Variants in STS observed in about 807,000 individuals in gnomAD.
STS encodes the protein steroid sulfatase.
Under a neutral mutation model 26.8 loss-of-function variants are expected in STS, and 7 were observed. The ratio of observed to expected loss-of-function variants is 0.26; its 90% CI spans 0.15 to 0.49. The LOEUF (loss-of-function observed/expected upper bound fraction) is 0.49, where lower values mean the gene tolerates loss of function less well. STS is among the 20% of genes least tolerant of loss of function. STS has a pLI of 0.98. For missense variants in STS, 434 were observed against 465.6 expected (o/e 0.93, Z 0.63); for synonymous variants, 199 against 189.4 (o/e 1.05, Z -0.42).
intron 8 of STS, among the ~76,000 whole-genome samples, chrX:7,310,184 G>A (rs1346156072): frequency 8.9e-6 from 1 of 112,149 alleles, no homozygotes; most frequent in Non-Finnish European, 1.9e-5. Flanking sequence ...AGATAAATAA[G>A]TAAACCACTG....
At chrX:7,289,024 A>C (rs966105470) in intron 7 of STS, among the ~76,000 whole-genome samples, 1 of 111,177 alleles carries the variant, frequency 9.0e-6, no homozygotes, top group African/African-American at 3.3e-5. Context: ...ATTGGGAGTG[A>C]AGCCAAGCTC....
chrX:7,277,041 T>C (rs1161954328), intron 7 of STS, among the ~76,000 whole-genome samples: 2 of 111,495 alleles, frequency 1.8e-5, no homozygotes, highest in Non-Finnish European at 3.8e-5. Flanking sequence ...AATCTCATGC[T>C]GAATGAGGTA....
intron 9 of STS, among the ~76,000 whole-genome samples, chrX:7,326,860 C>T (rs1402525123): frequency 1.8e-5 from 2 of 111,711 alleles, no homozygotes; most frequent in Admixed American, 9.5e-5. Context: ...CCGCTGTATT[C>T]GACCTTGTTT....
chrX:7,244,754 C>A, intron 2 of STS, among the ~76,000 whole-genome samples: 1 of 110,997 alleles, frequency 9.0e-6, no homozygotes, highest in Non-Finnish European at 1.9e-5. Flanking sequence ...CAGCCCCCTC[C>A]CCACCAATAA....
At chrX:7,274,655 T>C (rs188416062) in intron 6 of STS, among the ~76,000 whole-genome samples, 2 of 112,110 alleles carry the variant, frequency 1.8e-5, no homozygotes, top group Admixed American at 1.9e-4. Context: ...AGGCCACGCA[T>C]TGACAGTGAC....
Position 7,349,987 on chromosome X carries a change from A to C in STS, c.1463A>C (p.Tyr488Ser), listed in dbSNP as rs758446737. 1 of 1,209,961 alleles carries C rather than the reference A, an allele frequency of 8.3e-7. No individual in the cohort carries two copies. The highest frequency in any genetic ancestry group is 1.8e-5 in the South Asian group (1 of 56,783). Residue 488 changes from tyrosine (Y) to serine (S), a missense_variant, in exon 11 of 11, where the codon TAT (tyrosine) becomes TCT (serine). Physicochemically the swap from Tyr to Ser is moderately radical, Grantham distance 144 (BLOSUM62 -2). Coordinates refer to ENST00000674429, the MANE Select transcript of STS (RefSeq NM_001320752.2). ...ATHVCFCFGS[Y>S]VTHHDPPLLF... ...CACGTGTGCTTCTGTTTCGGGAGTT[A>C]TGTCACCCATCACGACCCACCTTTA... is the stretch of plus-strand genomic sequence containing the variant.
chrX:7,288,549 G>A (rs1409365401), intron 7 of STS, among the ~76,000 whole-genome samples: 1 of 110,261 alleles, frequency 9.1e-6, no homozygotes, highest in Non-Finnish European at 1.9e-5. Flanking sequence ...CAACCTATAT[G>A]TATACACCCT....
At chrX:7,291,814 T>C (rs1239180012) in intron 7 of STS, among the ~76,000 whole-genome samples, 1 of 111,651 alleles carries the variant, frequency 9.0e-6, no homozygotes, top group Non-Finnish European at 1.9e-5. Context: ...GGTAAGACAA[T>C]AGCCAGAACA....
intron 6 of STS, among the ~76,000 whole-genome samples, chrX:7,273,697 A>C (rs1420026854): frequency 9.0e-6 from 1 of 111,326 alleles, no homozygotes; most frequent in African/African-American, 3.3e-5. Flanking sequence ...AAAAATAGTC[A>C]ATTTCCCCTT....
chrX:7,194,096 G>T (rs1171546937), intron 2 of STS, among the ~76,000 whole-genome samples: 3 of 110,560 alleles, frequency 2.7e-5, no homozygotes, highest in African/African-American at 9.9e-5. Flanking sequence ...GTGGAGATGG[G>T]GTTTCACCAT....
At chrX:7,267,060 T>C (rs1924040605) in intron 6 of STS, among the ~76,000 whole-genome samples, 1 of 112,182 alleles carries the variant, frequency 8.9e-6, no homozygotes, top group Non-Finnish European at 1.9e-5. Flanking sequence ...AGAGGCTGAA[T>C]TTAAACAGAA....
intron 1 of STS, among the ~76,000 whole-genome samples, chrX:7,184,550 G>A (rs1330521293): frequency 1.8e-5 from 2 of 111,752 alleles, no homozygotes; most frequent in Non-Finnish European, 3.8e-5. Context: ...TTTGACATCC[G>A]CTTTGATTAA....
At chrX:7,305,240 T>G (rs1409658776) in intron 8 of STS, 57 bp downstream of exon 8, 2 of 1,187,399 alleles carry the variant, frequency 1.7e-6, no homozygotes, top group African/African-American at 3.5e-5. Flanking sequence ...CTGGTCACTT[T>G]TTTCTTGATT....
intron 9 of STS, among the ~76,000 whole-genome samples, chrX:7,327,234 T>G (rs1013809833): frequency 1.8e-5 from 2 of 110,979 alleles, no homozygotes; most frequent in African/African-American, 6.6e-5. Flanking sequence ...GCCTTCCTAT[T>G]GTTATAAAAA....
At chrX:7,214,123 A>C (rs1336721264) in intron 2 of STS, among the ~76,000 whole-genome samples, 1 of 111,995 alleles carries the variant, frequency 8.9e-6, no homozygotes, top group Non-Finnish European at 1.9e-5. Flanking sequence ...ATTAATTGTC[A>C]TCATCATTTA....
intron 8 of STS, among the ~76,000 whole-genome samples, chrX:7,318,349 C>T (rs1419826506): frequency 9.0e-6 from 1 of 110,993 alleles, no homozygotes; most frequent in East Asian, 2.8e-4. Flanking sequence ...CACACAATAT[C>T]GCAGGAGGAA....
At chrX:7,346,886 G>A (rs1928552616) in intron 10 of STS, among the ~76,000 whole-genome samples, 1 of 108,842 alleles carries the variant, frequency 9.2e-6, no homozygotes, top group Non-Finnish European at 1.9e-5. Context: ...TGGGCAACAT[G>A]GAGACACCCC....
At chrX:7,212,476 AAGAAAAAAG>A (rs754482650) in intron 2 of STS, among the ~76,000 whole-genome samples, 42 of 111,482 alleles carry the variant, frequency 3.8e-4, no homozygotes, top group Non-Finnish European at 7.7e-4. Context: ...CATCTCAAAA[AAGAAAAAAG>A]AGAAAAAAGA....
Position 7,164,229 on chromosome X carries a change from A to C in STS, c.-134+16146A>C, listed in dbSNP as rs1323499438. On this transcript the variant is annotated intron_variant, in intron 1 of 10. Coordinates refer to ENST00000674429, the MANE Select transcript of STS (RefSeq NM_001320752.2). ...TTCACCATTACCTTATAAAACCCAA[A>C]ACATTCTGCATTCTGACACACACCT... Among the ~76,000 whole-genome samples the C allele has an allele frequency of 2.8e-4, 31 of 111,659 alleles. 2 individuals are homozygous for C. The highest frequency in any genetic ancestry group is 1.9e-5 in the Non-Finnish European group (1 of 53,166).
Sources: allele counts gnomAD v4.1 joint callset (sites outside exome capture counted in the v4.1 genomes callset), GRCh38; gene constraint gnomAD v4.1.1; transcripts MANE v1.5; gene names NCBI Gene and HGNC (gene_info 2026-07-23, HGNC 2026-07-21).